Variants in ARHGEF11 observed in about 807,000 individuals in gnomAD.
ARHGEF11 encodes the protein Rho guanine exchange factor (GEF) 11.
In ARHGEF11, 55 loss-of-function variants were observed where a neutral mutation model predicts 193.7. The ratio of observed to expected loss-of-function variants is 0.28; its 90% CI spans 0.23 to 0.36. The LOEUF (loss-of-function observed/expected upper bound fraction) is 0.36, where lower values mean the gene tolerates loss of function less well. Among genes scored for constraint, ARHGEF11 ranks in the 10% least tolerant of loss-of-function variants. ARHGEF11 has a pLI of 1.00. For synonymous variants in ARHGEF11, 693 were observed against 768.0 expected (o/e 0.90, Z 1.62); for missense variants, 1,723 against 2,005.6 (o/e 0.86, Z 2.69).
Position 156,948,929 on chromosome 1 carries a change from T to A in ARHGEF11, c.1926-431A>T, listed in dbSNP as rs1420827822. ...TGGCCAGTTCACGTTGCCTCTGCTT[T>A]GGAACGGGTCAGCTCCCACCTTTAA... is the stretch of plus-strand genomic sequence containing the variant. On this transcript the variant is annotated intron_variant, in intron 22 of 40. Coordinates refer to ENST00000368194, the MANE Select transcript of ARHGEF11 (RefSeq NM_198236.3). This position sits in a 1 kb window ranked among gnomAD's most constrained non-coding sequence, Gnocchi z 4.2. 1.0e-6 allele frequency: 1 copy of A among 985,322 alleles called. No individual in the cohort carries two copies. Among genetic ancestry groups the A allele is most frequent in the Non-Finnish European group, 1.2e-6 (1 of 829,938 alleles). 61.0% of individuals were successfully genotyped at this position (985,322 alleles called of 1,614,324 possible). A position where few individuals can be genotyped will look rare whatever the true frequency, so the allele number is the denominator to read the frequency against.
chr1:157,023,463 A>G (rs915147841), intron 1 of ARHGEF11, among the ~76,000 whole-genome samples: 3 of 152,194 alleles, frequency 2.0e-5, no homozygotes, highest in African/African-American at 7.2e-5. Context: ...CTGTCCAGCT[A>G]TAATAAAATG....
chr1:156,970,851 T>G (rs1408727030), intron 8 of ARHGEF11, among the ~76,000 whole-genome samples: 1 of 152,178 alleles, frequency 6.6e-6, no homozygotes, highest in Non-Finnish European at 1.5e-5. Context: ...TTTAAGCTGA[T>G]GAGAAGTGAT....
chr1:156,957,426 C>G (rs1240271300), intron 18 of ARHGEF11, among the ~76,000 whole-genome samples: 1 of 152,132 alleles, frequency 6.6e-6, no homozygotes, highest in Non-Finnish European at 1.5e-5. Flanking sequence ...GCTGATTCCA[C>G]GATTACTGTT....
At position 156,947,008 on chromosome 1, in the gene ARHGEF11, C is replaced by A. The variant is rs1384759451; in HGVS notation, c.2496G>T (p.Trp832Cys). The change falls in exon 27 of 41, where the codon TGG becomes TGT. Residue 832 changes from tryptophan to cysteine, a missense_variant. Transcript: ENST00000368194. ...LPELIEIHNSWCEAMKKLREE... is the reference protein window; with the variant it reads ...LPELIEIHNSCCEAMKKLREE... ...CCCGGAGCTTCTTCATGGCTTCACA[C>A]CAGGAATCTGGGGCAGGAAGAGAAC... 6.2e-7 allele frequency: 1 copy of A among 1,614,120 alleles called. No homozygotes were observed. Among genetic ancestry groups the A allele is most frequent in the South Asian group, 1.1e-5 (1 of 91,080 alleles).
chr1:156,972,184 G>A (rs1324136313), intron 7 of ARHGEF11, among the ~76,000 whole-genome samples: 2 of 152,188 alleles, frequency 1.3e-5, no homozygotes, highest in East Asian at 3.8e-4. Flanking sequence ...GTGCTTAAGA[G>A]GGAACCTACA....
In ARHGEF11 at chr1:156,955,905, T is replaced by C. The variant is rs370162026; in HGVS notation, c.1672-106A>G. On this transcript the variant is annotated intron_variant, in intron 19 of 40. Coordinates refer to ENST00000368194, the MANE Select transcript of ARHGEF11 (RefSeq NM_198236.3). ...CCAAGGCTGGCCCTCAGCAAGTAAC[T>C]GGAGAGCTGACTCTTGCTGGTACCC... The C allele has an allele frequency of 6.1e-5, 52 of 852,374 alleles. 1 individual carries two copies. The South Asian group carries it at 6.9e-4, about 11-fold the overall frequency. 52.8% of individuals were successfully genotyped at this position (852,374 alleles called of 1,614,324 possible).
At chr1:156,936,495 A>ATATATATATAT (rs1330599702) in intron 40 of ARHGEF11, among the ~76,000 whole-genome samples, 62 of 57,048 alleles carry the variant, frequency 1.1e-3, no homozygotes, top group East Asian at 3.4e-3. Context: ...AAAAAAAAAA[A>ATATATATATAT]AAATATATAT....
At chr1:156,942,984 T>C (rs1657364366) in intron 32 of ARHGEF11, among the ~76,000 whole-genome samples, 1 of 152,060 alleles carries the variant, frequency 6.6e-6, no homozygotes, top group Non-Finnish European at 1.5e-5. Flanking sequence ...CCTAATGTCA[T>C]CTTCCACAGC....
chr1:156,963,627 G>A, intron 11 of ARHGEF11, 33 bp from the exon 12 acceptor site: 3 of 1,605,808 alleles, frequency 1.9e-6, no homozygotes, highest in Non-Finnish European at 2.5e-6. Context: ...AGAGATGAGA[G>A]GTTATAGAGG....
chr1:156,941,367 C>T lies in ARHGEF11; in HGVS notation c.3514+5G>A. On this transcript the variant is annotated splice_donor_5th_base_variant and intron_variant, in intron 35 of 40. Transcript: ENST00000368194. ...GGCTCCCACAGGACAGTTCAGGGCC[C>T]TTACCTCCAGGCAGCTCCTCAGGTT... is the stretch of plus-strand genomic sequence containing the variant. The T allele has an allele frequency of 1.2e-6, 2 of 1,613,232 alleles. No individual in the cohort carries two copies. Among genetic ancestry groups the T allele is most frequent in the Non-Finnish European group, 8.5e-7 (1 of 1,179,444 alleles).
In ARHGEF11 at chr1:156,946,797, C is replaced by G; in HGVS notation, c.2569-10G>C. The G allele has an allele frequency of 6.2e-7, 1 of 1,614,176 alleles. No individual in the cohort carries two copies. The highest frequency in any genetic ancestry group is 8.5e-7 in the Non-Finnish European group (1 of 1,180,036). On this transcript the variant is annotated splice_polypyrimidine_tract_variant and intron_variant, in intron 27 of 40. Transcript: ENST00000368194. ...GGGCAGGGCCATCAAACTGAAGAGG[C>G]AGAATGGACACGGGGCCAGGCATCA...
intron 29 of ARHGEF11, 98 bp from the exon 30 acceptor site, chr1:156,945,295 G>A (rs1216688245): frequency 1.4e-6 from 2 of 1,407,448 alleles, no homozygotes; most frequent in African/African-American, 2.9e-5. Context: ...CAGCTGGCTT[G>A]CTTCAAACCA....
intron 1 of ARHGEF11, among the ~76,000 whole-genome samples, chr1:157,013,259 TCACTCACACACACA>T (rs987450856): frequency 1.8e-5 from 2 of 109,488 alleles, no homozygotes; most frequent in African/African-American, 7.0e-5. Context: ...CTCCCCACTA[TCACTCACACACACA>T]CACACACACA....
At position 156,947,940 on chromosome 1, in the gene ARHGEF11, T is replaced by C; in HGVS notation, c.2170A>G (p.Ser724Gly). 6.2e-7 allele frequency: 1 copy of C among 1,613,264 alleles called. No individual in the cohort carries two copies. The highest frequency in any genetic ancestry group is 8.5e-7 in the Non-Finnish European group (1 of 1,179,426). The stretch of plus-strand genomic sequence containing the variant: ...AGGGTATCTGTGCAGAACCCCAAAC[T>C]GGGGGACTCAATGCTCCTGGGGGAA... ...KMGRRSIESP[S>G]LGFCTDTLLP... The change falls in exon 25 of 41, where the codon AGT becomes GGT. Residue 724 changes from serine (S) to glycine (G), a missense_variant. By Grantham distance (56) the Ser-to-Gly change is moderately conservative. This residue lies in a region of ARHGEF11 where 491 missense variants were observed against 654.5 expected (regional missense o/e 0.75). Coordinates refer to ENST00000368194, the MANE Select transcript of ARHGEF11 (RefSeq NM_198236.3).
chr1:157,038,422 G>C (rs996756677), intron 1 of ARHGEF11, among the ~76,000 whole-genome samples: 14 of 152,190 alleles, frequency 9.2e-5, no homozygotes, highest in Admixed American at 1.3e-4. Flanking sequence ...TGGTAATAGA[G>C]GGATACTAGT....
intron 7 of ARHGEF11, among the ~76,000 whole-genome samples, chr1:156,975,850 CT>C (rs1663179386): frequency 6.6e-6 from 1 of 152,088 alleles, no homozygotes; most frequent in Non-Finnish European, 1.5e-5. Flanking sequence ...GTCTTGGTAC[CT>C]TTGTTGAAAA....
chr1:156,959,259 G>GCCAGCC, intron 15 of ARHGEF11, 117 bp from the exon 16 acceptor site: 1 of 811,558 alleles, frequency 1.2e-6, no homozygotes, highest in Non-Finnish European at 2.0e-6. Flanking sequence ...GGAAGGGCTG[G>GCCAGCC]CTTTCTGCCC....
chr1:156,939,888 G>A lies in ARHGEF11; in HGVS notation c.3756C>T (p.Ile1252=), dbSNP rs780675400. 2 of 1,607,104 alleles carry A rather than the reference G, an allele frequency of 1.2e-6. No individual in the cohort carries two copies. The highest frequency in any genetic ancestry group is 2.2e-5 in the East Asian group (1 of 44,898). The change falls in exon 37 of 41, where the codon ATC becomes ATT. Residue 1252 remains isoleucine, a synonymous_variant. Coordinates refer to ENST00000368194, the MANE Select transcript of ARHGEF11 (RefSeq NM_198236.3). ...LEDVENLRHL[I]LWSLLPGHTM... ...TGTGACCTGGCAGCAGGCTCCACAG[G>A]ATCAGATGTCGCAGGTTCTCCACTG... is the stretch of plus-strand genomic sequence containing the variant.
intron 40 of ARHGEF11, among the ~76,000 whole-genome samples, chr1:156,936,480 G>GAAAAAAAAAAAAAA (rs35863393): frequency 4.2e-5 from 2 of 48,022 alleles, no homozygotes; most frequent in African/African-American, 2.3e-4. Flanking sequence ...CAAATAAATA[G>GAAAAAAAAAAAAAA]AAAAAAAAAA....
Sources: gnomAD v4.1 joint callset for allele counts (sites outside exome capture counted in the v4.1 genomes callset) on GRCh38, gnomAD v4.1.1 for gene constraint, gnomAD v4.1.1 regional missense constraint, Gnocchi (gnomAD v3.1) non-coding constraint, MANE v1.5 for transcripts, NCBI Gene and HGNC (gene_info 2026-07-23, HGNC 2026-07-21) for gene names.